IQCH: variants seen among roughly 807,000 people sequenced by gnomAD.
IQCH encodes the protein IQ motif containing H.
In IQCH, 98 loss-of-function variants were observed where a neutral mutation model predicts 117.0. The ratio of observed to expected loss-of-function variants is 0.84; its 90% CI spans 0.71 to 0.99. The LOEUF (loss-of-function observed/expected upper bound fraction) is 0.99, where lower values mean the gene tolerates loss of function less well. Among genes scored for constraint, IQCH ranks in the 50% least tolerant of loss-of-function variants. The probability of loss-of-function intolerance (pLI) is 0.00; values close to 1 mark genes in which losing one functional copy is unlikely to be tolerated. For synonymous variants in IQCH, 412 were observed against 448.2 expected (o/e 0.92, Z 1.02); for missense variants, 1,102 against 1,243.8 (o/e 0.89, Z 1.72).
rs2083978754 is a variant in IQCH at position 67,501,510 on chromosome 15, T to G, written c.*764T>G. 1 of 152,218 alleles carries G rather than the reference T, an allele frequency of 6.6e-6. No homozygotes were observed. The highest frequency in any genetic ancestry group is 6.5e-5 in the Admixed American group (1 of 15,280). 9.4% of individuals were successfully genotyped at this position (152,218 alleles called of 1,614,324 possible). On this transcript the variant is annotated 3_prime_UTR_variant, in exon 21 of 21. Transcript: ENST00000335894. This position sits in a 1 kb window ranked among gnomAD's most constrained non-coding sequence, Gnocchi z 5.2. ...AGTTTAGTTCAACATTATACTACCT[T>G]TAAAAAGGCAGACTGTTAAGATTGT...
Position 67,433,929 on chromosome 15 carries a change from C to T in IQCH, c.2505+12352C>T, listed in dbSNP as rs2082071786. Among the ~76,000 whole-genome samples, 1 of 149,416 alleles carries T rather than the reference C, an allele frequency of 6.7e-6. No homozygotes were observed. The stretch of plus-strand genomic sequence containing the variant: ...AATTTTCTCTTACAAAATTGTCCTT[C>T]TCCGATCCCAGCTTTATTGAGGTAT... On this transcript the variant is annotated intron_variant, in intron 16 of 20. Transcript: ENST00000335894. This position sits in a 1 kb window ranked among gnomAD's most constrained non-coding sequence, Gnocchi z 5.4.
At chr15:67,394,883 ATAAAG>A (rs1971408974) in intron 12 of IQCH, among the ~76,000 whole-genome samples, 1 of 152,168 alleles carries the variant, frequency 6.6e-6, no homozygotes, top group South Asian at 2.1e-4. Context: ...GTAGGAATTT[ATAAAG>A]TAAAGAATGT....
In IQCH at chr15:67,390,181, C is replaced by A. The variant is rs1160552039; in HGVS notation, c.1632+1175C>A. Among the ~76,000 whole-genome samples the A allele has an allele frequency of 6.6e-6, 1 of 152,112 alleles. No individual in the cohort carries two copies. The highest frequency in any genetic ancestry group is 1.5e-5 in the Non-Finnish European group (1 of 68,006). On this transcript the variant is annotated intron_variant, in intron 12 of 20. Transcript: ENST00000335894. The surrounding 1 kb of genome is among the most constrained non-coding windows in gnomAD (Gnocchi z 5.0). ...TGCCGTTTATGTACATTCTTGGGAA[C>A]CTTCCAATATCCTCCACCAATGTAA...
In IQCH at chr15:67,372,610, T is replaced by C; in HGVS notation, c.1253T>C (p.Ile418Thr). Residue 418 changes from isoleucine to threonine, a missense_variant, in exon 9 of 21, where the codon ATA (isoleucine) becomes ACA (threonine). Ile to Thr is a moderately conservative substitution (Grantham distance 89). Transcript: ENST00000335894. ...LYCHKTRLKKILKESRQRHLE... is the reference protein window; with the variant it reads ...LYCHKTRLKKTLKESRQRHLE... ...TGCCATAAGACTCGACTAAAGAAGA[T>C]ACTAAAGGAATCACGTCAGAGACAC... 6.2e-7 allele frequency: 1 copy of C among 1,613,354 alleles called. No individual in the cohort carries two copies. The highest frequency in any genetic ancestry group is 8.5e-7 in the Non-Finnish European group (1 of 1,179,764).
intron 17 of IQCH, among the ~76,000 whole-genome samples, chr15:67,470,324 C>T (rs893591814): frequency 2.0e-5 from 3 of 152,094 alleles, no homozygotes; most frequent in African/African-American, 4.8e-5. Flanking sequence ...ACTACAGGCG[C>T]CCGCGACCAT....
intron 19 of IQCH, among the ~76,000 whole-genome samples, chr15:67,492,856 G>T (rs563942927): frequency 9.8e-5 from 15 of 152,294 alleles, no homozygotes; most frequent in African/African-American, 3.4e-4. Flanking sequence ...GATAGAGGAA[G>T]AGCCTGTTTC....
intron 4 of IQCH, among the ~76,000 whole-genome samples, chr15:67,295,239 G>A (rs1373016253): frequency 6.6e-6 from 1 of 152,094 alleles, no homozygotes. Flanking sequence ...AGTATCCCCA[G>A]TATTCCTCTC....
intron 12 of IQCH, among the ~76,000 whole-genome samples, chr15:67,389,662 T>G (rs1452864971): frequency 1.3e-5 from 2 of 152,202 alleles, no homozygotes; most frequent in Non-Finnish European, 1.5e-5. Context: ...AAACCTTCCA[T>G]GTTAACCAGC....
intron 4 of IQCH, among the ~76,000 whole-genome samples, chr15:67,294,894 G>A (rs574898017): frequency 6.6e-6 from 1 of 152,142 alleles, no homozygotes; most frequent in African/African-American, 2.4e-5. Context: ...CAAAACACAA[G>A]TCTGGTTAAA....
At chr15:67,279,601 G>A (rs535187927) in intron 4 of IQCH, 89 bp downstream of exon 4, 1 of 655,106 alleles carries the variant, frequency 1.5e-6, no homozygotes, top group East Asian at 2.8e-5. Flanking sequence ...ACTTTTAATG[G>A]GTATGAAGTT....
At chr15:67,260,271 G>A (rs533347971) in intron 1 of IQCH, among the ~76,000 whole-genome samples, 7 of 152,300 alleles carry the variant, frequency 4.6e-5, no homozygotes, top group Admixed American at 3.9e-4. Context: ...AGAGAATCTT[G>A]TGCTTTCAAA....
intron 7 of IQCH, among the ~76,000 whole-genome samples, chr15:67,357,803 C>G (rs1018587425): frequency 6.6e-6 from 1 of 152,100 alleles, no homozygotes; most frequent in Non-Finnish European, 1.5e-5. Flanking sequence ...AAGGCAAGAT[C>G]TCCAAACATA....
At position 67,500,548 on chromosome 15, in the gene IQCH, A is replaced by G; in HGVS notation, c.2971-85A>G. The G allele has an allele frequency of 1.5e-6, 1 of 651,142 alleles. No individual in the cohort carries two copies. Among genetic ancestry groups the G allele is most frequent in the Middle Eastern group, 2.6e-4 (1 of 3,904 alleles). The allele number at this position is 651,142 out of a possible 1,614,324, so 40.3% of individuals were successfully genotyped here. A position where few individuals can be genotyped will look rare whatever the true frequency, so the allele number is the denominator to read the frequency against. ...ATTCTGAATAGAACTGGTCTAAACC[A>G]TGGTGAACTCCCAAAAGGACCAGAT... On this transcript the variant is annotated intron_variant, in intron 20 of 20. Transcript: ENST00000335894. This position sits in a 1 kb window ranked among gnomAD's most constrained non-coding sequence, Gnocchi z 4.4.
intron 4 of IQCH, among the ~76,000 whole-genome samples, chr15:67,292,407 G>C (rs902248964): frequency 6.6e-6 from 1 of 151,910 alleles, no homozygotes; most frequent in African/African-American, 2.4e-5. Flanking sequence ...AGAGCTGCAT[G>C]CCACCATACC....
Position 67,279,480 on chromosome 15 carries a change from A to G in IQCH, c.355A>G (p.Ser119Gly), listed in dbSNP as rs1966261528. Residue 119 changes from serine (S) to glycine (G), a missense_variant, in exon 4 of 21, where the codon AGT becomes GGT. Ser to Gly is a moderately conservative substitution (Grantham distance 56). Coordinates refer to ENST00000335894, the MANE Select transcript of IQCH (RefSeq NM_001031715.3). Reference sequence around the variant, plus strand: ...ATTTTGGCAACCCCAAAGACAGCACAGTTCATCTCTGCCTGTCTTTCCAAG... The same window carrying G: ...ATTTTGGCAACCCCAAAGACAGCACGGTTCATCTCTGCCTGTCTTTCCAAG... ...GTFWQPQRQH[S>G]SSLPVFPRAK... The G allele has an allele frequency of 1.2e-6, 2 of 1,604,500 alleles. No homozygotes were observed. The highest frequency in any genetic ancestry group is 1.7e-6 in the Non-Finnish European group (2 of 1,173,854).
At chr15:67,280,608 A>G (rs779340146) in intron 4 of IQCH, among the ~76,000 whole-genome samples, 2 of 152,150 alleles carry the variant, frequency 1.3e-5, no homozygotes, top group Admixed American at 6.5e-5. Flanking sequence ...TTCTACCCTC[A>G]TGAGCTAATT....
chr15:67,333,990 G>A (rs1325647367), intron 4 of IQCH, among the ~76,000 whole-genome samples: 1 of 152,082 alleles, frequency 6.6e-6, no homozygotes, highest in Non-Finnish European at 1.5e-5. Flanking sequence ...CTCAGGAGGT[G>A]AAGGCTGCAA....
chr15:67,391,380 T>C lies in IQCH; in HGVS notation c.1632+2374T>C, dbSNP rs140681541. Among the ~76,000 whole-genome samples the C allele has an allele frequency of 5.5e-3, 838 of 152,354 alleles. 9 individuals carry two copies. Among genetic ancestry groups the C allele is most frequent in the African/African-American group, 0.018 (758 of 41,586 alleles). ...ATTTGTTGTTAATGGGTTTGAGAGA[T>C]TGTATCAGTGCTGATTTTCATTTAA... On this transcript the variant is annotated intron_variant, in intron 12 of 20. Coordinates refer to ENST00000335894, the MANE Select transcript of IQCH (RefSeq NM_001031715.3). This position sits in a 1 kb window ranked among gnomAD's most constrained non-coding sequence, Gnocchi z 4.3.
intron 1 of IQCH, among the ~76,000 whole-genome samples, chr15:67,258,449 T>C (rs1304479060): frequency 1.3e-5 from 2 of 151,154 alleles, no homozygotes; most frequent in Non-Finnish European, 2.9e-5. Context: ...GAGAATCACT[T>C]GAACCCGGGA....
Sources: gnomAD v4.1 joint callset for allele counts (sites outside exome capture counted in the v4.1 genomes callset) on GRCh38, gnomAD v4.1.1 for gene constraint, Gnocchi (gnomAD v3.1) non-coding constraint, MANE v1.5 for transcripts, NCBI Gene and HGNC (gene_info 2026-07-23, HGNC 2026-07-21) for gene names.